Variants in NUTF2 observed in about 807,000 individuals in gnomAD.
NUTF2 encodes placental protein 15.
Under a neutral mutation model 18.5 loss-of-function variants are expected in NUTF2, and 3 were observed. The observed-to-expected ratio is 0.16, with a 90% confidence interval of 0.07 to 0.42. The LOEUF is 0.42. Among genes scored for constraint, NUTF2 ranks in the 10% least tolerant of loss-of-function variants. NUTF2 has a pLI of 0.99. For missense variants in NUTF2, 44 were observed against 160.7 expected, an observed-to-expected ratio of 0.27 and a Z score of 3.93; for synonymous variants, 51 against 57.9, an observed-to-expected ratio of 0.88 and a Z score of 0.54.
intron 2 of NUTF2, 137 bp from the exon 3 acceptor site, chr16:67,868,203 C>CA: frequency 1.4e-6 from 1 of 691,960 alleles, no homozygotes; most frequent in South Asian, 1.9e-5. Flanking sequence ...GGGCTATACT[C>CA]AGTCTCCTTC....
intron 2 of NUTF2, among the ~76,000 whole-genome samples, chr16:67,866,594 T>C (rs1234944227): frequency 6.6e-6 from 1 of 152,078 alleles, no homozygotes; most frequent in Non-Finnish European, 1.5e-5. Flanking sequence ...GCCTCCCAAG[T>C]ATCTGGGACT....
chr16:67,867,530 T>C (rs1230730882), intron 2 of NUTF2, among the ~76,000 whole-genome samples: 1 of 152,094 alleles, frequency 6.6e-6, no homozygotes, highest in African/African-American at 2.4e-5. Flanking sequence ...TTTTGCTTCT[T>C]GGTGGTAGGG....
intron 1 of NUTF2, among the ~76,000 whole-genome samples, chr16:67,849,682 G>A (rs1317528632): frequency 2.0e-5 from 3 of 149,402 alleles, no homozygotes; most frequent in South Asian, 2.1e-4. Context: ...ATTTTGAGAC[G>A]GAGTCTCACT....
intron 1 of NUTF2, among the ~76,000 whole-genome samples, chr16:67,864,116 A>G (rs193096093): frequency 6.6e-6 from 1 of 152,166 alleles, no homozygotes; most frequent in Non-Finnish European, 1.5e-5. Context: ...ACTCCCATCA[A>G]TGAAGAAATA....
intron 1 of NUTF2, among the ~76,000 whole-genome samples, chr16:67,852,877 C>T (rs1018997651): frequency 8.6e-5 from 13 of 151,808 alleles, no homozygotes; most frequent in Admixed American, 1.3e-4. Context: ...TGGGGTTTCT[C>T]CATGTTGGTC....
chr16:67,857,014 T>C (rs535153898), intron 1 of NUTF2, among the ~76,000 whole-genome samples: 1 of 152,310 alleles, frequency 6.6e-6, no homozygotes, highest in South Asian at 2.1e-4. Context: ...CCTCCACCAC[T>C]CTGTGGACGC....
intron 1 of NUTF2, among the ~76,000 whole-genome samples, chr16:67,859,585 C>T (rs1411370117): frequency 6.6e-6 from 1 of 151,710 alleles, no homozygotes; most frequent in Non-Finnish European, 1.5e-5. Flanking sequence ...CTGGAACTCT[C>T]GACCTCAGGT....
intron 1 of NUTF2, among the ~76,000 whole-genome samples, chr16:67,864,509 CAAAAA>C (rs572931294): frequency 3.8e-5 from 2 of 53,078 alleles, no homozygotes; most frequent in Non-Finnish European, 4.5e-5. Flanking sequence ...AACTCTGTCT[CAAAAA>C]AAAAAAAAAA....
At chr16:67,855,743 C>G (rs2057891244) in intron 1 of NUTF2, among the ~76,000 whole-genome samples, 1 of 152,080 alleles carries the variant, frequency 6.6e-6, no homozygotes, top group Non-Finnish European at 1.5e-5. Flanking sequence ...AATGCAAATT[C>G]TCAGTTGTCC....
intron 1 of NUTF2, among the ~76,000 whole-genome samples, chr16:67,849,255 C>T (rs953863637): frequency 6.6e-6 from 1 of 152,234 alleles, no homozygotes; most frequent in Non-Finnish European, 1.5e-5. Context: ...TGCGTGGGTA[C>T]TTTCTAGGAC....
intron 1 of NUTF2, among the ~76,000 whole-genome samples, chr16:67,855,527 C>T (rs1390092935): frequency 6.6e-6 from 1 of 152,136 alleles, no homozygotes; most frequent in Non-Finnish European, 1.5e-5. Flanking sequence ...AGAGGGGTTT[C>T]TGGGGTACCT....
intron 1 of NUTF2, among the ~76,000 whole-genome samples, chr16:67,861,932 G>A (rs567667081): frequency 6.6e-6 from 1 of 152,104 alleles, no homozygotes; most frequent in South Asian, 2.1e-4. Flanking sequence ...ACTCAAGAGT[G>A]TTGCCTCCCG....
At chr16:67,865,263 T>C (rs771927731) in intron 2 of NUTF2, 34 bp downstream of exon 2, 16 of 1,473,660 alleles carry the variant, frequency 1.1e-5, no homozygotes, top group Non-Finnish European at 1.5e-5. Flanking sequence ...GAATGGACCC[T>C]AGGGGATCAA....
chr16:67,855,991 C>G, intron 1 of NUTF2: 1 of 1,238,872 alleles, frequency 8.1e-7, no homozygotes, highest in Non-Finnish European at 1.2e-6. Context: ...TGCCAGCGGC[C>G]TTGGTGACCT....
chr16:67,851,358 G>A (rs2057856259), intron 1 of NUTF2, among the ~76,000 whole-genome samples: 1 of 152,022 alleles, frequency 6.6e-6, no homozygotes, highest in South Asian at 2.1e-4. Flanking sequence ...GCAGGTGCCT[G>A]TAATCCCAGC....
rs192019307 is a variant in NUTF2, at chr16:67,858,293, G to A, written c.-29-6809G>A. Among the ~76,000 whole-genome samples, 11 of 152,178 alleles carry A rather than the reference G, an allele frequency of 7.2e-5. No homozygotes were observed. In the East Asian group the frequency reaches 1.5e-3, roughly 21 times the overall value. Reference sequence around the variant, plus strand: ...AGTGATTCTACCACCTCAGCCTCCCGAGTAGCTGGGACTATAGGCGCATGC... The same window carrying A: ...AGTGATTCTACCACCTCAGCCTCCCAAGTAGCTGGGACTATAGGCGCATGC... On this transcript the variant is annotated intron_variant, in intron 1 of 4. Transcript: ENST00000219169.
rs1448883042 is a variant in NUTF2, at chr16:67,872,276, G to T, written c.*1363G>T. 1 of 152,234 alleles carries T rather than the reference G, an allele frequency of 6.6e-6. No homozygotes were observed. The highest frequency in any genetic ancestry group is 1.5e-5 in the Non-Finnish European group (1 of 68,044). 9.4% of individuals were successfully genotyped at this position (152,234 alleles called of 1,614,324 possible). On this transcript the variant is annotated 3_prime_UTR_variant, in exon 5 of 5. Transcript: ENST00000219169. ...AGGACACCACAGCTAAATCTGACAT[G>T]TAAAAGGATACCCTTCCCCTGTCCC...
rs190826043 is a variant in NUTF2, at chr16:67,852,253, A to G, written c.-30+5268A>G. Among the ~76,000 whole-genome samples, 5 of 152,212 alleles carry G rather than the reference A, an allele frequency of 3.3e-5. No individual in the cohort carries two copies. The East Asian group carries it at 9.6e-4, about 29-fold the overall frequency. ...GGAGGTCAAGGAACCGTGAGCTATG[A>G]TCATGCCACTGCACTGTAGCCTGGG... On this transcript the variant is annotated intron_variant, in intron 1 of 4. Transcript: ENST00000219169.
At chr16:67,866,976 C>CT (rs1299704183) in intron 2 of NUTF2, among the ~76,000 whole-genome samples, 4,707 of 143,936 alleles carry the variant, frequency 0.033, 102 homozygotes, top group Middle Eastern at 0.16. Flanking sequence ...ATCACTCTCC[C>CT]TTTTTTTTTT....
Sources: allele counts gnomAD v4.1 joint callset (sites outside exome capture counted in the v4.1 genomes callset), GRCh38; gene constraint gnomAD v4.1.1; transcripts MANE v1.5; gene names NCBI Gene and HGNC (gene_info 2026-07-23, HGNC 2026-07-21).